NEB: variants seen among roughly 807,000 people sequenced by gnomAD.
The protein encoded by NEB is nebulin, also known as nemaline myopathy type 2.
Under a neutral mutation model 952.2 loss-of-function variants are expected in NEB, and 512 were observed. The observed-to-expected ratio is 0.54, with a 90% CI of 0.50 to 0.58. NEB has a LOEUF of 0.58. Among genes scored for constraint, NEB ranks in the 20% least tolerant of loss-of-function variants. The pLI, the probability that NEB is intolerant of heterozygous loss-of-function variation, is 0.00. For synonymous variants in NEB, 2,900 were observed against 3,149.8 expected (o/e 0.92, Z 2.66); for missense variants, 8,428 against 9,231.1 (o/e 0.91, Z 3.56).
chr2:151,565,865 A>G, intron 114 of NEB, 45 bp from the exon 115 acceptor site: 1 of 1,348,232 alleles, frequency 7.4e-7, no homozygotes, highest in Non-Finnish European at 1.0e-6. Context: ...AATGACTGAG[A>G]CACAGGCTTA....
rs1173930790 is a variant in NEB at position 151,537,916 on chromosome 2, G to T, written c.21058C>A (p.Pro7020Thr). 1.9e-6 allele frequency: 3 copies of T among 1,613,090 alleles called. No individual in the cohort carries two copies. Among genetic ancestry groups the T allele is most frequent in the Admixed American group, 3.3e-5 (2 of 59,932 alleles). ...ACTGCTCGGTGGTGGAAATGCTCTG[G>T]ACGATCAGGAATGGACCTCCAGATA... ...LGIWRSIPDR[P>T]EHFHHRAVTD... The change falls in exon 140 of 182, where the codon CCA (proline) becomes ACA (threonine). Residue 7020 changes from proline to threonine, a missense_variant. Physicochemically the swap from Pro to Thr is conservative, Grantham distance 38 (BLOSUM62 -1). This residue lies in a region of NEB where 3,374 missense variants were observed against 3,651.5 expected (regional missense o/e 0.92). Transcript: ENST00000397345.
In NEB at chr2:151,655,667, G is replaced by A. The variant is rs13399785; in HGVS notation, c.6702+150C>T. On this transcript the variant is annotated intron_variant, in intron 50 of 181. Coordinates refer to ENST00000397345, the MANE Select transcript of NEB (RefSeq NM_001164508.2). ...AAGAGAAGAAAAAAAATAAGAGATG[G>A]GCAGAAGAAGATGGTGTAGGGGAAT... 6.7e-3 allele frequency: 4,905 copies of A among 728,040 alleles called. 188 individuals carry two copies. The African/African-American group carries it at 0.077, about 11-fold the overall frequency. 45.1% of individuals were successfully genotyped at this position (728,040 alleles called of 1,614,324 possible).
At chr2:151,693,567 C>A (rs947622154) in intron 20 of NEB, among the ~76,000 whole-genome samples, 9 of 152,140 alleles carry the variant, frequency 5.9e-5, no homozygotes, top group Admixed American at 3.9e-4. Flanking sequence ...GCTTCCAGCT[C>A]CATCCATGTC....
intron 63 of NEB, among the ~76,000 whole-genome samples, chr2:151,638,838 T>G (rs979968399): frequency 7.0e-6 from 1 of 143,094 alleles, no homozygotes; most frequent in Non-Finnish European, 1.6e-5. Flanking sequence ...TGTGTGTGTG[T>G]GGGTTACCTG....
rs767095639 is a variant in NEB, at chr2:151,662,298, C to T, written c.5807G>A (p.Gly1936Glu). The change falls in exon 46 of 182, where the codon GGA becomes GAA. Residue 1936 changes from glycine (G) to glutamate (E), a missense_variant. Physicochemically the swap from Gly to Glu is moderately conservative, Grantham distance 98 (BLOSUM62 -2). Around this residue, in one of 11 missense-constraint regions of NEB, gnomAD observed 2,851 missense variants for 2,791.5 expected, o/e 1.02. Coordinates refer to ENST00000397345, the MANE Select transcript of NEB (RefSeq NM_001164508.2). ...TTCCAGGGAGCCCAGAGGGAGCCAT[C>T]CAATGCCCTTCATGAAGTCAGCATA... ...ADYADFMKGI[G>E]WLPLGSLEAE... 1.9e-6 allele frequency: 3 copies of T among 1,613,466 alleles called. No individual in the cohort carries two copies. The highest frequency in any genetic ancestry group is 2.7e-5 in the African/African-American group (2 of 74,876).
Position 151,537,856 on chromosome 2 carries a change from A to T in NEB, c.21102+16T>A. The T allele has an allele frequency of 6.7e-7, 1 of 1,500,972 alleles. No homozygotes were observed. Among genetic ancestry groups the T allele is most frequent in the Non-Finnish European group, 9.1e-7 (1 of 1,103,800 alleles). The allele number at this position is 1,500,972 out of a possible 1,614,324, so 93.0% of individuals were successfully genotyped here. A position where few individuals can be genotyped will look rare whatever the true frequency, so the allele number is the denominator to read the frequency against. Reference sequence around the variant, plus strand: ...ATATGAATTTATATGTGAAAATAGAAGATGTCAACACTCACATCACTGACT... The same window carrying T: ...ATATGAATTTATATGTGAAAATAGATGATGTCAACACTCACATCACTGACT... On this transcript the variant is annotated intron_variant, in intron 140 of 181. Transcript: ENST00000397345.
chr2:151,485,869 C>T lies in NEB; in HGVS notation c.25469G>A (p.Gly8490Glu), dbSNP rs1293067674. 2 of 1,613,970 alleles carry T rather than the reference C, an allele frequency of 1.2e-6. No individual in the cohort carries two copies. Among genetic ancestry groups the T allele is most frequent in the South Asian group, 2.2e-5 (2 of 91,082 alleles). Residue 8490 changes from glycine (G) to glutamate (E), a missense_variant, in exon 182 of 182, where the codon GGA becomes GAA. Around this residue, in one of 11 missense-constraint regions of NEB, gnomAD observed 3,374 missense variants for 3,651.5 expected, o/e 0.92. Coordinates refer to ENST00000397345, the MANE Select transcript of NEB (RefSeq NM_001164508.2). ...ADADEVSFKD[G>E]DAIINVQAID... The stretch of plus-strand genomic sequence containing the variant: ...TGCTTGAACATTTATGATGGCATCT[C>T]CATCCTTGAAGGACACCTCATCTGC...
rs1330745853 is a variant in NEB, at chr2:151,518,256, T to G, written c.22800+62A>C. The G allele has an allele frequency of 5.8e-6, 7 of 1,209,088 alleles. No homozygotes were observed. The East Asian group carries it at 1.6e-4, about 28-fold the overall frequency. The allele number at this position is 1,209,088 out of a possible 1,614,324, so 74.9% of individuals were successfully genotyped here. On this transcript the variant is annotated intron_variant, in intron 156 of 181. Coordinates refer to ENST00000397345, the MANE Select transcript of NEB (RefSeq NM_001164508.2). ...ACAATGGAGGGAATCTATGAAATTT[T>G]TTTTCACATTGTACTGTGGATGAAT...
chr2:151,656,405 G>C lies in NEB; in HGVS notation c.6243C>G (p.Leu2081=). ...GKGKMVGFRS[L]EDDPKLVHSM... ...AATGGACTAATTTGGGATCATCCTC[G>C]AGACTGCGGAAACCAACCATTTTCC... Residue 2081 remains leucine (L), a synonymous_variant, in exon 49 of 182, where the codon CTC becomes CTG. Transcript: ENST00000397345. 1.2e-6 allele frequency: 2 copies of C among 1,613,406 alleles called. No individual in the cohort carries two copies. Among genetic ancestry groups the C allele is most frequent in the Non-Finnish European group, 8.5e-7 (1 of 1,179,562 alleles).
At chr2:151,610,908 G>T in intron 78 of NEB, 42 bp from the exon 79 acceptor site, 1 of 1,251,050 alleles carries the variant, frequency 8.0e-7, no homozygotes, top group Non-Finnish European at 1.1e-6. Context: ...GAGGGAGGGA[G>T]TATAAGACCT....
chr2:151,642,850 C>T lies in NEB; in HGVS notation c.8180G>A (p.Trp2727Ter). Residue 2727 changes from tryptophan (W) to a stop codon, truncating the protein, a stop_gained, in exon 59 of 182, where the codon TGG (tryptophan) becomes TAG (stop). Transcript: ENST00000397345. LOFTEE classifies it high-confidence loss of function. ...GTGGACAGTGGTTTTATCTTTATCC[C>T]AAGCTTCTGTATAGAGGCGCTAAGA... Reference protein sequence around the residue: ...TMNHRLYTEAWDKDKTTVHIM... With the variant: ...TMNHRLYTEA 6.2e-7 allele frequency: 1 copy of T among 1,611,076 alleles called. No homozygotes were observed. The highest frequency in any genetic ancestry group is 1.1e-5 in the South Asian group (1 of 90,574).
Position 151,674,485 on chromosome 2 carries a change from C to T in NEB, c.3979G>A (p.Ala1327Thr), listed in dbSNP as rs763475827. The T allele has an allele frequency of 1.9e-6, 3 of 1,613,564 alleles. No homozygotes were observed. Among genetic ancestry groups the T allele is most frequent in the South Asian group, 1.1e-5 (1 of 91,070 alleles). Residue 1327 changes from alanine to threonine, a missense_variant, in exon 36 of 182, where the codon GCC becomes ACC. Around this residue, in one of 11 missense-constraint regions of NEB, gnomAD observed 2,851 missense variants for 2,791.5 expected, o/e 1.02. Coordinates refer to ENST00000397345, the MANE Select transcript of NEB (RefSeq NM_001164508.2). ...ITAAKASRNI[A>T]SDYKYKEAYE... ...CTAAAATTTGTACTCACATCACTGG[C>T]AATGTTTCTCGATGCCTTGGCTGCA...
rs751951834 is a variant in NEB at position 151,725,549 on chromosome 2, C to T, written c.306G>A (p.Lys102=). The change falls in exon 6 of 182, where the codon AAG becomes AAA. Residue 102 remains lysine (K), a synonymous_variant. Transcript: ENST00000397345. ...MQDLFSPNKY[K]EKFEKTKGQP... is the part of the protein sequence containing the mutation. ...GTCCTTTTGTTTTCTCAAACTTCTC[C>T]TTGTATTTATTCTGAAAAGAATATC... 6.8e-6 allele frequency: 11 copies of T among 1,612,918 alleles called. No homozygotes were observed. In the South Asian group the frequency reaches 1.1e-4, roughly 16 times the overall value.
At chr2:151,497,554 C>T (rs555313113) in intron 171 of NEB, 72 bp downstream of exon 171, 20 of 1,523,576 alleles carry the variant, frequency 1.3e-5, no homozygotes, top group African/African-American at 9.8e-5. Flanking sequence ...AGGATTAATA[C>T]GTATTATTTT....
chr2:151,725,668 A>T, intron 5 of NEB, 108 bp from the exon 6 acceptor site: 1 of 832,644 alleles, frequency 1.2e-6, no homozygotes, highest in South Asian at 1.7e-5. Context: ...GCAATTATCA[A>T]TTATAATAGC....
chr2:151,620,469 C>T (rs572169293), intron 72 of NEB, among the ~76,000 whole-genome samples: 4 of 146,838 alleles, frequency 2.7e-5, no homozygotes, highest in African/African-American at 7.6e-5. Context: ...TTAAGATGTC[C>T]AGGGATCTGA....
chr2:151,510,417 A>G (rs1176909231), intron 161 of NEB, among the ~76,000 whole-genome samples: 2 of 152,344 alleles, frequency 1.3e-5, no homozygotes, highest in East Asian at 1.9e-4. Context: ...TAACTTAACC[A>G]TTCATTTAGT....
chr2:151,723,999 G>A (rs1005910772), intron 8 of NEB, among the ~76,000 whole-genome samples: 1 of 152,026 alleles, frequency 6.6e-6, no homozygotes, highest in Non-Finnish European at 1.5e-5. Flanking sequence ...GTTCTCCAGA[G>A]CACCTTTATT....
At chr2:151,527,078 G>A in intron 147 of NEB, 56 bp from the exon 148 acceptor site, 1 of 1,214,504 alleles carries the variant, frequency 8.2e-7, no homozygotes. Context: ...GGAGGAAGCT[G>A]GGCATTTGAT....
Sources: gnomAD v4.1 joint callset for allele counts (sites outside exome capture counted in the v4.1 genomes callset) on GRCh38, gnomAD v4.1.1 for gene constraint, gnomAD v4.1.1 regional missense constraint, MANE v1.5 for transcripts, NCBI Gene and HGNC (gene_info 2026-07-23, HGNC 2026-07-21) for gene names.